The following PPP1R14C variants were observed in gnomAD, a reference collection of about 807,000 sequenced individuals.
The protein encoded by PPP1R14C is protein phosphatase 1 regulatory subunit 14C.
PPP1R14C carries 16 observed loss-of-function variants against 20.4 expected under a neutral mutation model. The ratio of observed to expected loss-of-function variants is 0.78; its 90% confidence interval spans 0.53 to 1.19. PPP1R14C has a LOEUF of 1.19. Among genes scored for constraint, PPP1R14C ranks in the 50% most tolerant of loss-of-function variants. The probability of loss-of-function intolerance (pLI) is 0.00; values close to 1 mark genes in which losing one functional copy is unlikely to be tolerated. For missense variants in PPP1R14C, 211 were observed against 220.1 expected (o/e 0.96, Z 0.26); for synonymous variants, 91 against 91.0 (o/e 1.00, Z 0.00).
chr6:150,235,173 G>A (rs73011614), intron 3 of PPP1R14C, among the ~76,000 whole-genome samples: 8,935 of 152,240 alleles, frequency 0.059, 341 homozygotes, highest in African/African-American at 0.087. Context: ...CTGCAGCCTC[G>A]AAATCCTTGG....
intron 1 of PPP1R14C, among the ~76,000 whole-genome samples, chr6:150,170,865 A>T (rs927475723): frequency 6.8e-6 from 1 of 146,454 alleles, no homozygotes; most frequent in Non-Finnish European, 1.5e-5. Context: ...TGGTCTTATT[A>T]TTTTTTATGA....
At chr6:150,198,515 G>T (rs1307698167) in intron 1 of PPP1R14C, among the ~76,000 whole-genome samples, 4 of 152,262 alleles carry the variant, frequency 2.6e-5, no homozygotes, top group Non-Finnish European at 5.9e-5. Flanking sequence ...ATTTTGACCA[G>T]TCTTGCCACA....
At chr6:150,236,011 C>T (rs574147021) in intron 3 of PPP1R14C, among the ~76,000 whole-genome samples, 23 of 152,212 alleles carry the variant, frequency 1.5e-4, no homozygotes, top group South Asian at 1.0e-3. Context: ...TTACCTAACC[C>T]GGTTGCTTAA....
chr6:150,168,208 G>C (rs1002136219), intron 1 of PPP1R14C, among the ~76,000 whole-genome samples: 5 of 123,020 alleles, frequency 4.1e-5, no homozygotes, highest in Non-Finnish European at 8.1e-5. Flanking sequence ...AGTTGCTGGT[G>C]AAAGTTTAAC....
At chr6:150,225,670 A>G (rs545419434) in intron 3 of PPP1R14C, among the ~76,000 whole-genome samples, 2 of 152,288 alleles carry the variant, frequency 1.3e-5, no homozygotes, top group East Asian at 3.9e-4. Context: ...TTTAATCTTC[A>G]CAACAAAGCT....
intron 3 of PPP1R14C, among the ~76,000 whole-genome samples, chr6:150,242,848 T>C (rs2114933523): frequency 6.6e-6 from 1 of 152,308 alleles, no homozygotes; most frequent in Non-Finnish European, 1.5e-5. Context: ...TTCAGCAAGC[T>C]TGCAGGATAC....
chr6:150,243,895 G>T (rs1253740417), intron 3 of PPP1R14C, among the ~76,000 whole-genome samples: 1 of 152,126 alleles, frequency 6.6e-6, no homozygotes, highest in African/African-American at 2.4e-5. Context: ...AAATAATAGT[G>T]CAGAGTGAAA....
In PPP1R14C at chr6:150,218,484, C is replaced by CG. The variant is rs1330651324; in HGVS notation, c.423+1628_423+1629insG. 2.5e-5 allele frequency among the ~76,000 whole-genome samples: 3 copies of CG among 118,416 alleles called. 1 individual carries two copies. Among genetic ancestry groups the CG allele is most frequent in the Non-Finnish European group, 5.2e-5 (3 of 57,646 alleles). 77.7% of individuals were successfully genotyped at this position (118,416 alleles called of 152,430 possible). On this transcript the variant is annotated intron_variant, in intron 3 of 3. Coordinates refer to ENST00000361131, the MANE Select transcript of PPP1R14C (RefSeq NM_030949.3). ...TACTAATACATCTGAACCCCCCCCC[C>CG]CAAAAAAAAATTCTGAGGCTTATTT... is the stretch of plus-strand genomic sequence containing the variant.
intron 1 of PPP1R14C, among the ~76,000 whole-genome samples, chr6:150,199,995 A>T: frequency 6.6e-6 from 1 of 152,198 alleles, no homozygotes; most frequent in East Asian, 1.9e-4. Context: ...AACAACGAGG[A>T]AGGTAACTCT....
intron 3 of PPP1R14C, among the ~76,000 whole-genome samples, chr6:150,237,294 C>T (rs1007295369): frequency 2.0e-5 from 3 of 152,130 alleles, no homozygotes; most frequent in Admixed American, 6.5e-5. Context: ...ACCTCCACCT[C>T]CTGGGTTCAA....
At chr6:150,211,257 C>T in intron 1 of PPP1R14C, among the ~76,000 whole-genome samples, 1 of 152,224 alleles carries the variant, frequency 6.6e-6, no homozygotes, top group East Asian at 1.9e-4. Flanking sequence ...ACACACAGTG[C>T]CTTGCACTCT....
intron 1 of PPP1R14C, among the ~76,000 whole-genome samples, chr6:150,162,085 T>C (rs1777375902): frequency 6.8e-6 from 1 of 146,352 alleles, no homozygotes; most frequent in Non-Finnish European, 1.5e-5. Flanking sequence ...AGACGGAGTC[T>C]TGGTTTGTCA....
chr6:150,163,677 C>T (rs1777395141), intron 1 of PPP1R14C, among the ~76,000 whole-genome samples: 1 of 152,126 alleles, frequency 6.6e-6, no homozygotes, highest in African/African-American at 2.4e-5. Context: ...GTGTGAGATA[C>T]ACCCACATTG....
At chr6:150,220,312 C>G (rs1220988995) in intron 3 of PPP1R14C, among the ~76,000 whole-genome samples, 1 of 152,116 alleles carries the variant, frequency 6.6e-6, no homozygotes, top group Non-Finnish European at 1.5e-5. Context: ...GAGTTTGACC[C>G]TCAAATTCCC....
intron 1 of PPP1R14C, among the ~76,000 whole-genome samples, chr6:150,188,802 T>A (rs748861969): frequency 6.6e-6 from 1 of 151,194 alleles, no homozygotes; most frequent in Non-Finnish European, 1.5e-5. Context: ...TACCTTCTTA[T>A]GGGACATTTT....
intron 3 of PPP1R14C, among the ~76,000 whole-genome samples, chr6:150,240,917 G>A (rs1778424653): frequency 6.6e-6 from 1 of 152,184 alleles, no homozygotes; most frequent in Non-Finnish European, 1.5e-5. Context: ...AATTTCCTGA[G>A]CAATCAGTTG....
chr6:150,182,418 C>T (rs974666493), intron 1 of PPP1R14C, among the ~76,000 whole-genome samples: 9 of 152,168 alleles, frequency 5.9e-5, no homozygotes, highest in African/African-American at 1.9e-4. Flanking sequence ...TGAGGGCCTA[C>T]TTTCTGGTTT....
At chr6:150,174,671 A>G (rs1365426790) in intron 1 of PPP1R14C, among the ~76,000 whole-genome samples, 1 of 151,786 alleles carries the variant, frequency 6.6e-6, no homozygotes, top group Non-Finnish European at 1.5e-5. Flanking sequence ...TCATTTAATA[A>G]TAAGTAGTGA....
At chr6:150,247,744 G>A (rs369490931) in intron 3 of PPP1R14C, among the ~76,000 whole-genome samples, 3 of 152,174 alleles carry the variant, frequency 2.0e-5, no homozygotes, top group Non-Finnish European at 2.9e-5. Context: ...CCAGTGGTGT[G>A]CAGTATTCTC....
Sources: gnomAD v4.1 joint callset for allele counts (sites outside exome capture counted in the v4.1 genomes callset) on GRCh38, gnomAD v4.1.1 for gene constraint, MANE v1.5 for transcripts, NCBI Gene and HGNC (gene_info 2026-07-23, HGNC 2026-07-21) for gene names.